The following MBD5 variants were observed in gnomAD, a reference collection of about 807,000 sequenced individuals.
The protein encoded by MBD5 is methyl-CpG binding domain protein 5, also known as methyl-CpG-binding domain protein 5.
MBD5 carries 13 observed loss-of-function variants against 117.3 expected under a neutral mutation model. That is an observed-to-expected ratio of 0.11 (90% CI 0.07 to 0.18). The LOEUF (loss-of-function observed/expected upper bound fraction) is 0.18, where lower values mean the gene tolerates loss of function less well. Among genes scored for constraint, MBD5 ranks in the 10% least tolerant of loss-of-function variants. The probability of loss-of-function intolerance (pLI) is 1.00; values close to 1 mark genes in which losing one functional copy is unlikely to be tolerated. For missense variants in MBD5, 1,879 were observed against 2,093.8 expected (o/e 0.90, Z 2.00); for synonymous variants, 727 against 766.4 (o/e 0.95, Z 0.85).
At chr2:148,455,878 G>GA (rs1272357040) in intron 4 of MBD5, among the ~76,000 whole-genome samples, 6 of 152,152 alleles carry the variant, frequency 3.9e-5, no homozygotes, top group Non-Finnish European at 8.8e-5. Context: ...AAACAGGCAT[G>GA]AAAAGGGACT....
chr2:148,151,538 T>C (rs1221590269), intron 1 of MBD5, among the ~76,000 whole-genome samples: 3 of 152,234 alleles, frequency 2.0e-5, no homozygotes, highest in South Asian at 2.1e-4. Context: ...TCCTTGTACC[T>C]CTGGTAAAAT....
chr2:148,272,723 AT>A (rs1397301384), intron 3 of MBD5, among the ~76,000 whole-genome samples: 1 of 152,024 alleles, frequency 6.6e-6, no homozygotes, highest in African/African-American at 2.4e-5. Flanking sequence ...ATTTTCTTCC[AT>A]TCTATAGATT....
intron 3 of MBD5, among the ~76,000 whole-genome samples, chr2:148,330,762 A>G (rs550847129): frequency 6.6e-6 from 1 of 152,304 alleles, no homozygotes; most frequent in Non-Finnish European, 1.5e-5. Flanking sequence ...TGCAGTGGAC[A>G]TGATCCTTAT....
chr2:148,292,443 A>T (rs12691783), intron 3 of MBD5, among the ~76,000 whole-genome samples: 1 of 152,190 alleles, frequency 6.6e-6, no homozygotes, highest in African/African-American at 2.4e-5. Context: ...AAGAAGACAT[A>T]CAAATAGCAA....
chr2:148,131,714 AT>A (rs764801734), intron 1 of MBD5, among the ~76,000 whole-genome samples: 2 of 152,234 alleles, frequency 1.3e-5, no homozygotes, highest in Non-Finnish European at 2.9e-5. Context: ...ACAAAAAGCT[AT>A]ATTCATTTTT....
At chr2:148,231,418 C>CT (rs1699982967) in intron 2 of MBD5, among the ~76,000 whole-genome samples, 1 of 152,178 alleles carries the variant, frequency 6.6e-6, no homozygotes, top group South Asian at 2.1e-4. Flanking sequence ...CATGCCTCTG[C>CT]TGCTGCGGGA....
At chr2:148,373,520 C>T (rs941184867) in intron 4 of MBD5, among the ~76,000 whole-genome samples, 1 of 152,104 alleles carries the variant, frequency 6.6e-6, no homozygotes, top group Non-Finnish European at 1.5e-5. Context: ...CATTATCCAT[C>T]TGATGATAGA....
chr2:148,068,026 G>A (rs773267256), intron 1 of MBD5, among the ~76,000 whole-genome samples: 1 of 152,150 alleles, frequency 6.6e-6, no homozygotes, highest in Non-Finnish European at 1.5e-5. Flanking sequence ...CATATCTTTG[G>A]GTCTCTCTGT....
intron 13 of MBD5, among the ~76,000 whole-genome samples, chr2:148,511,657 T>G (rs955953761): frequency 6.6e-6 from 1 of 152,230 alleles, no homozygotes; most frequent in Non-Finnish European, 1.5e-5. Context: ...TCAGCCACAT[T>G]TGGTCCACAG....
intron 3 of MBD5, among the ~76,000 whole-genome samples, chr2:148,254,453 G>A (rs1284334856): frequency 2.0e-5 from 3 of 152,122 alleles, no homozygotes; most frequent in Admixed American, 6.5e-5. Context: ...TACTTCTACA[G>A]TTATGACACC....
chr2:148,031,200 T>A (rs536789180), intron 1 of MBD5, among the ~76,000 whole-genome samples: 18 of 152,334 alleles, frequency 1.2e-4, no homozygotes, highest in African/African-American at 4.1e-4. Context: ...AATCAGGTAC[T>A]GGTTTGAATA....
At chr2:148,190,959 A>C (rs1247583423) in intron 2 of MBD5, among the ~76,000 whole-genome samples, 2 of 148,168 alleles carry the variant, frequency 1.3e-5, no homozygotes, top group Non-Finnish European at 3.0e-5. Flanking sequence ...TTGCAATCCT[A>C]GTCTCTGATA....
intron 1 of MBD5, among the ~76,000 whole-genome samples, chr2:148,088,441 T>A (rs185252768): frequency 8.5e-5 from 13 of 152,220 alleles, no homozygotes; most frequent in African/African-American, 3.1e-4. Context: ...AAGGAAAGAA[T>A]CTTAAGAACT....
chr2:148,148,608 T>A lies in MBD5; in HGVS notation c.-924-30092T>A, dbSNP rs180819669. Among the ~76,000 whole-genome samples the A allele has an allele frequency of 2.4e-4, 37 of 152,330 alleles. No individual in the cohort carries two copies. In the East Asian group the frequency reaches 7.1e-3, roughly 29 times the overall value. ...ATTTTTCCTTTATTAATATTCTCCC[T>A]AGTCCTTTGTCTATTCCTTTTTAGA... On this transcript the variant is annotated intron_variant, in intron 1 of 13. Transcript: ENST00000642680.
intron 3 of MBD5, among the ~76,000 whole-genome samples, chr2:148,323,903 AG>A: frequency 6.6e-6 from 1 of 152,324 alleles, no homozygotes; most frequent in African/African-American, 2.4e-5. Context: ...TGTTTTAGAC[AG>A]GAAGTCCTTG....
At chr2:148,110,854 C>G (rs1696489595) in intron 1 of MBD5, among the ~76,000 whole-genome samples, 1 of 151,820 alleles carries the variant, frequency 6.6e-6, no homozygotes, top group Non-Finnish European at 1.5e-5. Context: ...TTCTAACCCT[C>G]TTTTTATAAA....
rs536593951 is a variant in MBD5 at position 148,360,042 on chromosome 2, G to A, written c.-557+17706G>A. Among the ~76,000 whole-genome samples the A allele has an allele frequency of 4.0e-5, 6 of 151,828 alleles. No individual in the cohort carries two copies. The East Asian group carries it at 1.2e-3, about 29-fold the overall frequency. On this transcript the variant is annotated intron_variant, in intron 4 of 13. Transcript: ENST00000642680. ...CTGAATAAATTCACTAGATTTCAAG[G>A]AAAATAATAAAATTATAGCAAAGAT... is the stretch of plus-strand genomic sequence containing the variant.
chr2:148,415,198 A>G lies in MBD5; in HGVS notation c.-556-43005A>G, dbSNP rs187669095. 2.8e-3 allele frequency among the ~76,000 whole-genome samples: 423 copies of G among 152,242 alleles called. 4 individuals carry two copies. The highest frequency in any genetic ancestry group is 9.5e-3 in the African/African-American group (395 of 41,558). ...TCCCTTAGCATTCACTTGTCTGAAA[A>G]GGGTCTTTTTACTCCTGTATTTATC... On this transcript the variant is annotated intron_variant, in intron 4 of 13. Transcript: ENST00000642680.
At chr2:148,211,368 C>T (rs2106010484) in intron 2 of MBD5, among the ~76,000 whole-genome samples, 1 of 152,118 alleles carries the variant, frequency 6.6e-6, no homozygotes, top group South Asian at 2.1e-4. Flanking sequence ...ATAAACATTC[C>T]TAACTTCATT....
Sources: allele counts gnomAD v4.1 joint callset (sites outside exome capture counted in the v4.1 genomes callset), GRCh38; gene constraint gnomAD v4.1.1; transcripts MANE v1.5; gene names NCBI Gene and HGNC (gene_info 2026-07-23, HGNC 2026-07-21).